The following IGF2BP3 variants were observed in gnomAD, a reference collection of about 807,000 sequenced individuals.
The protein encoded by IGF2BP3 is insulin-like growth factor 2 mRNA-binding protein 3.
In IGF2BP3, 9 loss-of-function variants were observed where a neutral mutation model predicts 73.8. That is an observed-to-expected ratio of 0.12 (90% CI 0.07 to 0.21). The LOEUF is 0.21. Among genes scored for constraint, IGF2BP3 ranks in the 10% least tolerant of loss-of-function variants. The pLI is 1.00. For synonymous variants in IGF2BP3, 258 were observed against 256.7 expected, an observed-to-expected ratio of 1.01 and a Z score of -0.05; for missense variants, 542 against 714.0, an observed-to-expected ratio of 0.76 and a Z score of 2.75.
intron 2 of IGF2BP3, among the ~76,000 whole-genome samples, chr7:23,465,641 T>C (rs1465124868): frequency 6.6e-6 from 1 of 152,192 alleles, no homozygotes; most frequent in African/African-American, 2.4e-5. Context: ...TCAGCGTGCA[T>C]TCTCCAGCAC....
chr7:23,420,136 A>T (rs1333532340), intron 2 of IGF2BP3, among the ~76,000 whole-genome samples: 1 of 152,220 alleles, frequency 6.6e-6, no homozygotes. Flanking sequence ...AACAAAAACT[A>T]GCAATTGAGC....
At chr7:23,374,658 C>G (rs1452844856) in intron 3 of IGF2BP3, among the ~76,000 whole-genome samples, 1 of 152,072 alleles carries the variant, frequency 6.6e-6, no homozygotes, top group East Asian at 1.9e-4. Context: ...CCCTGGGTGA[C>G]AGAGTGAGAC....
intron 2 of IGF2BP3, among the ~76,000 whole-genome samples, chr7:23,422,475 A>T (rs1325150662): frequency 6.6e-6 from 1 of 152,136 alleles, no homozygotes; most frequent in Non-Finnish European, 1.5e-5. Flanking sequence ...GAATCACATG[A>T]GCCCAGGAGT....
chr7:23,439,536 GACA>G (rs996125200), intron 2 of IGF2BP3, among the ~76,000 whole-genome samples: 11 of 112,098 alleles, frequency 9.8e-5, no homozygotes, highest in South Asian at 3.0e-4. Context: ...CAGCCTGGGA[GACA>G]ACGAGACTCC....
At chr7:23,390,725 A>C (rs1002020668) in intron 3 of IGF2BP3, among the ~76,000 whole-genome samples, 1 of 152,152 alleles carries the variant, frequency 6.6e-6, no homozygotes, top group East Asian at 1.9e-4. Context: ...ACAACTGTAC[A>C]GCATACAACT....
In IGF2BP3 at chr7:23,469,976, C is replaced by T. The variant is rs1469653243; in HGVS notation, c.135G>A (p.Pro45=). Residue 45 remains proline (P), a synonymous_variant, in exon 1 of 15, where the codon CCG becomes CCA. Coordinates refer to ENST00000258729, the MANE Select transcript of IGF2BP3 (RefSeq NM_006547.3). This position sits in a 1 kb window ranked among gnomAD's most constrained non-coding sequence, Gnocchi z 6.1. Reference sequence around the variant, plus strand: ...TGGCCTTGAGGGCCCAGCTCTCGTCCGGGCAGTCCACGAACGCGTAGCCAG... The same window carrying T: ...TGGCCTTGAGGGCCCAGCTCTCGTCTGGGCAGTCCACGAACGCGTAGCCAG... ...VKTGYAFVDC[P]DESWALKAIE... 7 of 1,612,208 alleles carry T rather than the reference C, an allele frequency of 4.3e-6. No homozygotes were observed. The highest frequency in any genetic ancestry group is 3.3e-5 in the Admixed American group (2 of 59,954).
At chr7:23,391,960 A>G (rs1027429115) in intron 3 of IGF2BP3, among the ~76,000 whole-genome samples, 5 of 152,246 alleles carry the variant, frequency 3.3e-5, no homozygotes, top group Non-Finnish European at 5.9e-5. Context: ...ATCTGAAACA[A>G]AACTGAAAAT....
chr7:23,408,420 TACATACTAAAA>T (rs1214833794), intron 3 of IGF2BP3, among the ~76,000 whole-genome samples: 1 of 152,138 alleles, frequency 6.6e-6, no homozygotes, highest in Non-Finnish European at 1.5e-5. Flanking sequence ...AAAATACTTC[TACATACTAAAA>T]ACAAGTGGAA....
chr7:23,444,742 C>CAA (rs56029431), intron 2 of IGF2BP3, among the ~76,000 whole-genome samples: 149 of 82,550 alleles, frequency 1.8e-3, no homozygotes, highest in African/African-American at 4.8e-3. Flanking sequence ...GACTCTGTCT[C>CAA]AAAAAAAAAA....
intron 2 of IGF2BP3, among the ~76,000 whole-genome samples, chr7:23,451,153 C>T (rs1788187255): frequency 6.6e-6 from 1 of 152,228 alleles, no homozygotes; most frequent in Admixed American, 6.5e-5. Flanking sequence ...CGCAGTGGCT[C>T]ATACCTCTAA....
At chr7:23,394,756 T>A (rs549750172) in intron 3 of IGF2BP3, 1 of 152,164 alleles carries the variant, frequency 6.6e-6, no homozygotes, top group Non-Finnish European at 1.5e-5. Context: ...CACGTCAGAA[T>A]AGAATTCCTA....
At chr7:23,313,895 T>C (rs17796841) in intron 12 of IGF2BP3, among the ~76,000 whole-genome samples, 6,766 of 152,324 alleles carry the variant, frequency 0.044, 221 homozygotes, top group Non-Finnish European at 0.068. Flanking sequence ...ACCATATTCT[T>C]CTGATGAAAA....
At position 23,469,891 on chromosome 7, in the gene IGF2BP3, G is replaced by A. The variant is rs763019962; in HGVS notation, c.175+45C>T. 24 of 1,482,168 alleles carry A rather than the reference G, an allele frequency of 1.6e-5. 1 individual carries two copies. The East Asian group carries it at 3.7e-4, about 23-fold the overall frequency. The allele number at this position is 1,482,168 out of a possible 1,614,324, so 91.8% of individuals were successfully genotyped here. On this transcript the variant is annotated intron_variant, in intron 1 of 14. Transcript: ENST00000258729. The surrounding 1 kb of genome is among the most constrained non-coding windows in gnomAD (Gnocchi z 6.1). ...CACCCGGTGGGCCTGGGCGGGCGGT[G>A]CAGGGCTGGGGCGAGAGCCCGGGTG...
chr7:23,386,808 C>T (rs185159680), intron 3 of IGF2BP3, among the ~76,000 whole-genome samples: 1 of 152,152 alleles, frequency 6.6e-6, no homozygotes, highest in East Asian at 1.9e-4. Flanking sequence ...TGGCTCACAC[C>T]CATAATCCCA....
At chr7:23,464,005 G>C (rs947101828) in intron 2 of IGF2BP3, among the ~76,000 whole-genome samples, 3 of 152,108 alleles carry the variant, frequency 2.0e-5, no homozygotes, top group East Asian at 3.9e-4. Flanking sequence ...TTCCCGAATC[G>C]CAAGATTCAC....
At chr7:23,345,514 TTG>T (rs1232184248) in intron 8 of IGF2BP3, among the ~76,000 whole-genome samples, 1 of 152,220 alleles carries the variant, frequency 6.6e-6, no homozygotes. Context: ...GTCAGCAGCA[TTG>T]TGAGACCCCA....
chr7:23,362,063 ACAT>A (rs1356335148), intron 3 of IGF2BP3, among the ~76,000 whole-genome samples: 1 of 152,194 alleles, frequency 6.6e-6, no homozygotes, highest in Non-Finnish European at 1.5e-5. Context: ...ATACACAAAC[ACAT>A]CATCATACTT....
At chr7:23,387,298 T>C (rs1786114912) in intron 3 of IGF2BP3, among the ~76,000 whole-genome samples, 2 of 152,152 alleles carry the variant, frequency 1.3e-5, no homozygotes, top group African/African-American at 4.8e-5. Flanking sequence ...CTGATCAATA[T>C]TCCTGAAAAC....
chr7:23,435,785 TCTCG>T (rs1276793795), intron 2 of IGF2BP3, among the ~76,000 whole-genome samples: 1 of 150,974 alleles, frequency 6.6e-6, no homozygotes, highest in African/African-American at 2.4e-5. Flanking sequence ...TTTGAGACAG[TCTCG>T]CTCTGCAGCC....
Sources: allele counts gnomAD v4.1 joint callset (sites outside exome capture counted in the v4.1 genomes callset), GRCh38; gene constraint gnomAD v4.1.1; non-coding constraint Gnocchi (gnomAD v3.1); transcripts MANE v1.5; gene names NCBI Gene and HGNC (gene_info 2026-07-23, HGNC 2026-07-21).